CSMD1: variants seen among roughly 807,000 people sequenced by gnomAD.
CSMD1 encodes the protein CUB and sushi domain-containing protein 1.
CSMD1 carries 213 observed loss-of-function variants against 417.5 expected under a neutral mutation model. The observed-to-expected ratio is 0.51, with a 90% CI of 0.46 to 0.57. The LOEUF is 0.57. CSMD1 is among the 20% of genes least tolerant of loss of function. The pLI, the probability that CSMD1 is intolerant of heterozygous loss-of-function variation, is 0.00. For missense variants in CSMD1, 6,923 were observed against 4,529.7 expected (o/e 1.53, Z -15.17); for synonymous variants, 2,862 against 1,736.8 (o/e 1.65, Z -16.11).
chr8:4,114,651 T>C (rs1037759940), intron 3 of CSMD1, among the ~76,000 whole-genome samples: 6 of 152,338 alleles, frequency 3.9e-5, no homozygotes, highest in African/African-American at 7.2e-5. Flanking sequence ...GGATTATCTT[T>C]GCTAGATGCC....
At chr8:3,405,282 G>C (rs1028075143) in intron 15 of CSMD1, among the ~76,000 whole-genome samples, 3 of 152,078 alleles carry the variant, frequency 2.0e-5, no homozygotes, top group African/African-American at 4.8e-5. Flanking sequence ...TGACTATTCT[G>C]ATATGGACTG....
At chr8:3,692,087 T>C (rs1404937643) in intron 7 of CSMD1, among the ~76,000 whole-genome samples, 2 of 152,124 alleles carry the variant, frequency 1.3e-5, no homozygotes, top group East Asian at 3.9e-4. Flanking sequence ...TTCGCAATCA[T>C]CCTCTGACTC....
chr8:4,410,994 C>T (rs1796622503), intron 3 of CSMD1, among the ~76,000 whole-genome samples: 1 of 152,100 alleles, frequency 6.6e-6, no homozygotes, highest in Non-Finnish European at 1.5e-5. Flanking sequence ...AGTGAGGTTG[C>T]CCCTGTGTCT....
chr8:3,072,914 T>G (rs1813413323), intron 49 of CSMD1, among the ~76,000 whole-genome samples: 1 of 152,160 alleles, frequency 6.6e-6, no homozygotes, highest in Non-Finnish European at 1.5e-5. Context: ...GTATTTGCCT[T>G]CAAGTGTCAG....
intron 23 of CSMD1, among the ~76,000 whole-genome samples, chr8:3,318,501 A>G (rs558795616): frequency 3.7e-4 from 57 of 152,230 alleles, no homozygotes; most frequent in African/African-American, 1.3e-3. Context: ...AAAAGATAAC[A>G]TATAAAAGTT....
chr8:4,370,864 T>A (rs1266391755), intron 3 of CSMD1, among the ~76,000 whole-genome samples: 1 of 152,206 alleles, frequency 6.6e-6, no homozygotes, highest in African/African-American at 2.4e-5. Context: ...TGTTTCAACC[T>A]CCTCTTGTAT....
chr8:3,666,625 G>C (rs993963337), intron 7 of CSMD1, among the ~76,000 whole-genome samples: 1 of 152,262 alleles, frequency 6.6e-6, no homozygotes, highest in South Asian at 2.1e-4. Flanking sequence ...GAGGGACCCA[G>C]AGGGAGATAA....
chr8:4,387,038 G>A (rs1803499432), intron 3 of CSMD1, among the ~76,000 whole-genome samples: 2 of 152,064 alleles, frequency 1.3e-5, no homozygotes, highest in African/African-American at 2.4e-5. Context: ...GATACATGGG[G>A]GATATCCAGA....
intron 3 of CSMD1, among the ~76,000 whole-genome samples, chr8:4,046,664 T>C (rs1346324470): frequency 6.6e-6 from 1 of 152,214 alleles, no homozygotes; most frequent in African/African-American, 2.4e-5. Flanking sequence ...GGATATACAC[T>C]GGGAATGTTT....
At chr8:3,566,297 T>C (rs1026291726) in intron 10 of CSMD1, among the ~76,000 whole-genome samples, 1 of 152,140 alleles carries the variant, frequency 6.6e-6, no homozygotes, top group Non-Finnish European at 1.5e-5. Context: ...GGACTTAGTA[T>C]TTGGCAAATA....
chr8:4,622,417 G>A (rs73504902), intron 2 of CSMD1, among the ~76,000 whole-genome samples: 139 of 152,178 alleles, frequency 9.1e-4, no homozygotes, highest in African/African-American at 3.2e-3. Context: ...ACCCGATGGG[G>A]TGACAGCAAA....
chr8:3,377,260 C>T (rs879520147), intron 18 of CSMD1, among the ~76,000 whole-genome samples: 1 of 152,178 alleles, frequency 6.6e-6, no homozygotes, highest in South Asian at 2.1e-4. Context: ...AATCTATCTA[C>T]CTCAGCCTCC....
rs75561421 is a variant in CSMD1, at chr8:3,995,049, G to C, written c.818+2854C>G. ...CCCCGTCCCTGTCTATGCAATTCGG[G>C]AATGGGGAAACCTTTTAAATACACC... On this transcript the variant is annotated intron_variant, in intron 5 of 69. Transcript: ENST00000635120. Among the ~76,000 whole-genome samples, 683 of 152,204 alleles carry C rather than the reference G, an allele frequency of 4.5e-3. 2 individuals are homozygous for C. Among genetic ancestry groups the C allele is most frequent in the African/African-American group, 0.016 (656 of 41,546 alleles).
chr8:3,209,812 G>C (rs1217189116), intron 30 of CSMD1, among the ~76,000 whole-genome samples: 2 of 152,076 alleles, frequency 1.3e-5, no homozygotes, highest in African/African-American at 4.8e-5. Context: ...AGCATTCATT[G>C]CTAATGGTAA....
At chr8:3,311,781 T>A (rs1023219310) in intron 23 of CSMD1, among the ~76,000 whole-genome samples, 5 of 152,132 alleles carry the variant, frequency 3.3e-5, no homozygotes, top group Admixed American at 1.3e-4. Flanking sequence ...CAGAAGCGTT[T>A]ATCAATCATA....
intron 1 of CSMD1, among the ~76,000 whole-genome samples, chr8:4,684,439 G>A (rs1806239603): frequency 6.6e-6 from 1 of 152,082 alleles, no homozygotes; most frequent in Non-Finnish European, 1.5e-5. Flanking sequence ...TTTTTGAAAT[G>A]GATAATTTTT....
intron 10 of CSMD1, among the ~76,000 whole-genome samples, chr8:3,567,143 G>A (rs1318320714): frequency 6.6e-6 from 1 of 152,134 alleles, no homozygotes; most frequent in Non-Finnish European, 1.5e-5. Flanking sequence ...GATGAAGCCA[G>A]TATCCTTAGC....
intron 5 of CSMD1, among the ~76,000 whole-genome samples, chr8:3,982,618 A>AG (rs1038091278): frequency 6.6e-4 from 22 of 33,370 alleles, no homozygotes; most frequent in Non-Finnish European, 2.1e-4. Context: ...GCTGAGAGAG[A>AG]AAAAAAAAAA....
chr8:3,703,392 T>A (rs1016123534), intron 7 of CSMD1, among the ~76,000 whole-genome samples: 1 of 125,638 alleles, frequency 8.0e-6, no homozygotes, highest in Non-Finnish European at 1.6e-5. Flanking sequence ...AATGAAAGAA[T>A]CTATAGGGCT....
Sources: allele counts gnomAD v4.1 joint callset (sites outside exome capture counted in the v4.1 genomes callset), GRCh38; gene constraint gnomAD v4.1.1; transcripts MANE v1.5; gene names NCBI Gene and HGNC (gene_info 2026-07-23, HGNC 2026-07-21).